Variants in TARS3 observed in about 807,000 individuals in gnomAD.
The protein encoded by TARS3 is threonyl-tRNA synthetase 3, also known as threonine--tRNA ligase 2, cytoplasmic.
In TARS3, 94 loss-of-function variants were observed where a neutral mutation model predicts 103.5. That is an observed-to-expected ratio of 0.91 (90% CI 0.77 to 1.08). The LOEUF (loss-of-function observed/expected upper bound fraction) is 1.08, where lower values mean the gene tolerates loss of function less well. Among genes scored for constraint, TARS3 ranks in the 50% least tolerant of loss-of-function variants. The pLI is 0.00. For synonymous variants in TARS3, 416 were observed against 355.4 expected, an observed-to-expected ratio of 1.17 and a Z score of -1.92; for missense variants, 952 against 995.2, an observed-to-expected ratio of 0.96 and a Z score of 0.58.
intron 6 of TARS3, among the ~76,000 whole-genome samples, chr15:101,708,270 A>G (rs1211607960): frequency 2.0e-5 from 3 of 150,766 alleles, no homozygotes; most frequent in Non-Finnish European, 4.4e-5. Context: ...AAAAAAAAAA[A>G]AAAAAAAAAA....
At chr15:101,688,091 A>G (rs1596306095) in intron 10 of TARS3, among the ~76,000 whole-genome samples, 1 of 152,186 alleles carries the variant, frequency 6.6e-6, no homozygotes, top group Non-Finnish European at 1.5e-5. Context: ...ATTTTTACAT[A>G]AATATATAGG....
At chr15:101,718,316 C>T (rs1900266322) in intron 3 of TARS3, among the ~76,000 whole-genome samples, 1 of 150,268 alleles carries the variant, frequency 6.7e-6, no homozygotes, top group South Asian at 2.1e-4. Context: ...TGTGGTGAGC[C>T]AAGATCGAGA....
intron 4 of TARS3, among the ~76,000 whole-genome samples, chr15:101,712,870 C>G (rs926484459): frequency 6.6e-6 from 1 of 152,158 alleles, no homozygotes; most frequent in African/African-American, 2.4e-5. Context: ...GATGATGGAG[C>G]ACTATGTGCA....
chr15:101,698,006 C>T (rs1899063996), intron 10 of TARS3, among the ~76,000 whole-genome samples: 1 of 152,178 alleles, frequency 6.6e-6, no homozygotes. Context: ...GCTTTGGATT[C>T]CCCCAGCCTT....
intron 11 of TARS3, among the ~76,000 whole-genome samples, chr15:101,685,457 G>C (rs953451984): frequency 6.6e-6 from 1 of 152,144 alleles, no homozygotes; most frequent in Non-Finnish European, 1.5e-5. Flanking sequence ...TTCAACTTCA[G>C]AAATGTTGAA....
chr15:101,723,993 C>CGCCCCGGGGGAGT, intron 1 of TARS3, 98 bp downstream of exon 1: 3 of 1,146,054 alleles, frequency 2.6e-6, no homozygotes, highest in Non-Finnish European at 2.3e-6. Context: ...TCCCCCGGGG[C>CGCCCCGGGGGAGT]GCCCCCGCAC....
intron 10 of TARS3, among the ~76,000 whole-genome samples, chr15:101,688,759 T>C (rs1387930281): frequency 6.6e-6 from 1 of 152,188 alleles, no homozygotes. Context: ...CAAGTGTTAA[T>C]TGCCTCAGAA....
rs368527681 is a variant in TARS3 at position 101,699,926 on chromosome 15, A to T, written c.1320+1160T>A. On this transcript the variant is annotated intron_variant, in intron 10 of 18. Coordinates refer to ENST00000335968, the MANE Select transcript of TARS3 (RefSeq NM_152334.3). ...GGGACCAGGAAAAGAGACTCAGCAT[A>T]GGAAGAGACATGAGGGGAGTGGCCA... Among the ~76,000 whole-genome samples the T allele has an allele frequency of 3.3e-5, 5 of 152,338 alleles. No homozygotes were observed. The South Asian group carries it at 8.3e-4, about 25-fold the overall frequency.
chr15:101,673,758 C>T (rs1045405400), intron 13 of TARS3, among the ~76,000 whole-genome samples: 1 of 152,148 alleles, frequency 6.6e-6, no homozygotes, highest in African/African-American at 2.4e-5. Context: ...GGAAGAAGAG[C>T]TTAGGATGGG....
At chr15:101,655,908 C>T (rs1209456159) in intron 18 of TARS3, 3 of 1,289,178 alleles carry the variant, frequency 2.3e-6, no homozygotes, top group East Asian at 5.5e-5. Flanking sequence ...TGCGAGCCAG[C>T]CAGAACTTTC....
chr15:101,718,647 C>T (rs1304624959), intron 3 of TARS3, among the ~76,000 whole-genome samples: 1 of 152,120 alleles, frequency 6.6e-6, no homozygotes, highest in East Asian at 1.9e-4. Flanking sequence ...GATTAGAGAG[C>T]AAGAGTGCCT....
At chr15:101,659,550 C>A (rs537827442) in intron 16 of TARS3, among the ~76,000 whole-genome samples, 1 of 152,092 alleles carries the variant, frequency 6.6e-6, no homozygotes, top group Non-Finnish European at 1.5e-5. Context: ...TCCGTCTCTG[C>A]GACAAAGGAA....
intron 2 of TARS3, among the ~76,000 whole-genome samples, chr15:101,722,217 CTT>C (rs55694230): frequency 1.0e-3 from 143 of 138,680 alleles, no homozygotes; most frequent in Non-Finnish European, 1.6e-3. Flanking sequence ...TGGCATCTCC[CTT>C]TTTTTTTTTT....
chr15:101,713,793 G>A (rs574433495), intron 4 of TARS3, among the ~76,000 whole-genome samples: 2 of 152,324 alleles, frequency 1.3e-5, no homozygotes, highest in African/African-American at 4.8e-5. Flanking sequence ...GTAGACAGTA[G>A]TGCATAAAAA....
rs1468318593 is a variant in TARS3, at chr15:101,684,146, TC to T, written c.1578del (p.Thr527LeufsTer5). The T allele has an allele frequency of 3.1e-6, 5 of 1,613,724 alleles. No homozygotes were observed. The highest frequency in any genetic ancestry group is 4.2e-6 in the Non-Finnish European group (5 of 1,179,928). ...FGVLHRNELSGTLSGLTRVRR... is the reference protein window; with the variant it reads ...FGVLHRNELSXTLSGLTRVRR... ...CTCACTCTGGTCAAGCCGCTGAGAG[TC>T]CCCGACAGTTCATTTCTATGCAGAA... On this transcript the variant is annotated frameshift_variant, in exon 12 of 19. Coordinates refer to ENST00000335968, the MANE Select transcript of TARS3 (RefSeq NM_152334.3). LOFTEE classifies it high-confidence loss of function.
intron 6 of TARS3, among the ~76,000 whole-genome samples, chr15:101,707,339 A>G (rs779943661): frequency 3.3e-5 from 5 of 152,222 alleles, no homozygotes. Flanking sequence ...TTCTAAGTAT[A>G]TTCCCAAAAG....
In TARS3 at chr15:101,654,335, C is replaced by A; in HGVS notation, c.*247G>T. On this transcript the variant is annotated 3_prime_UTR_variant, in exon 19 of 19. Coordinates refer to ENST00000335968, the MANE Select transcript of TARS3 (RefSeq NM_152334.3). ...TCACTTTCTCGATGAATAATATTTC[C>A]CCATTTAAGTTTCTCAAGGCATTGA... 2.6e-6 allele frequency: 1 copy of A among 386,652 alleles called. No homozygotes were observed. 24.0% of individuals were successfully genotyped at this position (386,652 alleles called of 1,614,324 possible). A position where few individuals can be genotyped will look rare whatever the true frequency, so the allele number is the denominator to read the frequency against.
At chr15:101,722,200 T>C (rs1900501533) in intron 2 of TARS3, among the ~76,000 whole-genome samples, 1 of 149,278 alleles carries the variant, frequency 6.7e-6, no homozygotes, top group Non-Finnish European at 1.5e-5. Context: ...CTACCTATTT[T>C]ACCCGCTGGC....
In TARS3 at chr15:101,710,041, GCCT is replaced by G. The variant is rs150770994; in HGVS notation, c.813-1134_813-1132del. ...GTTGGGACTTTCAGCACCCCCACCT[GCCT>G]CCTTAGGGGAAAGGAGAGGGGCTAG... On this transcript the variant is annotated intron_variant, in intron 5 of 18. Transcript: ENST00000335968. 1.5e-3 allele frequency among the ~76,000 whole-genome samples: 221 copies of G among 152,318 alleles called. 1 individual carries two copies. The highest frequency in any genetic ancestry group is 5.0e-3 in the African/African-American group (207 of 41,572).
Sources: allele counts gnomAD v4.1 joint callset (sites outside exome capture counted in the v4.1 genomes callset), GRCh38; gene constraint gnomAD v4.1.1; transcripts MANE v1.5; gene names NCBI Gene and HGNC (gene_info 2026-07-23, HGNC 2026-07-21).